Variants in FSTL5 observed in about 807,000 individuals in gnomAD.
FSTL5 encodes the protein follistatin-related protein 5.
In FSTL5, 62 loss-of-function variants were observed where a neutral mutation model predicts 89.1. The observed-to-expected ratio is 0.70, with a 90% CI of 0.57 to 0.86. FSTL5 has a LOEUF of 0.86. FSTL5 is among the 40% of genes least tolerant of loss of function. The pLI, the probability that FSTL5 is intolerant of heterozygous loss-of-function variation, is 0.00. For missense variants in FSTL5, 1,057 were observed against 1,001.6 expected (o/e 1.06, Z -0.75); for synonymous variants, 383 against 346.2 (o/e 1.11, Z -1.18).
At chr4:161,763,503 G>A (rs945973800) in intron 5 of FSTL5, among the ~76,000 whole-genome samples, 3 of 152,116 alleles carry the variant, frequency 2.0e-5, no homozygotes, top group African/African-American at 7.2e-5. Context: ...TTTTGATAAT[G>A]TGAAGGCAAG....
At chr4:161,476,182 T>TTTTGG (rs1553990018) in intron 13 of FSTL5, among the ~76,000 whole-genome samples, 1 of 103,754 alleles carries the variant, frequency 9.6e-6, no homozygotes, top group Non-Finnish European at 1.9e-5. Context: ...GGTTTTTTTT[T>TTTTGG]TTTTTTGTTT....
At chr4:161,608,825 C>A (rs958295078) in intron 7 of FSTL5, among the ~76,000 whole-genome samples, 4 of 151,958 alleles carry the variant, frequency 2.6e-5, no homozygotes, top group African/African-American at 9.7e-5. Context: ...TTTTCTCCTG[C>A]AAGTAGGCTC....
chr4:161,938,124 G>A (rs1734482866), intron 3 of FSTL5, among the ~76,000 whole-genome samples: 1 of 151,846 alleles, frequency 6.6e-6, no homozygotes, highest in Non-Finnish European at 1.5e-5. Flanking sequence ...ATGTACTTTT[G>A]TAGAACTCTG....
chr4:161,576,109 C>T (rs1372818388), intron 8 of FSTL5, among the ~76,000 whole-genome samples: 2 of 152,048 alleles, frequency 1.3e-5, no homozygotes, highest in South Asian at 4.1e-4. Flanking sequence ...ATACAACATA[C>T]AAGGGACGTG....
chr4:161,673,062 C>T (rs1238064042), intron 6 of FSTL5, among the ~76,000 whole-genome samples: 1 of 151,328 alleles, frequency 6.6e-6, no homozygotes, highest in Non-Finnish European at 1.5e-5. Context: ...TTATCTTTAT[C>T]ATTAAAACAA....
chr4:161,566,533 C>A (rs571034950), intron 8 of FSTL5, among the ~76,000 whole-genome samples: 94 of 150,856 alleles, frequency 6.2e-4, no homozygotes, highest in Non-Finnish European at 1.0e-3. Context: ...AATCGCCAAA[C>A]TGTTCTCCAC....
At chr4:161,812,570 T>C (rs1399839008) in intron 4 of FSTL5, among the ~76,000 whole-genome samples, 1 of 152,060 alleles carries the variant, frequency 6.6e-6, no homozygotes, top group African/African-American at 2.4e-5. Flanking sequence ...GTGGTTCTAA[T>C]TAAGACTAAA....
At chr4:161,948,600 A>G (rs111671559) in intron 3 of FSTL5, among the ~76,000 whole-genome samples, 18 of 141,518 alleles carry the variant, frequency 1.3e-4, no homozygotes, top group African/African-American at 4.0e-4. Flanking sequence ...GGCACCCGCC[A>G]CCATGCCCAG....
intron 6 of FSTL5, among the ~76,000 whole-genome samples, chr4:161,754,127 A>AT (rs571885903): frequency 4.7e-5 from 7 of 149,854 alleles, no homozygotes; most frequent in East Asian, 2.0e-4. Flanking sequence ...GGTGATTTAA[A>AT]TTTTTTTTAA....
intron 2 of FSTL5, among the ~76,000 whole-genome samples, chr4:162,059,869 A>G (rs1420205095): frequency 6.6e-6 from 1 of 152,136 alleles, no homozygotes; most frequent in Non-Finnish European, 1.5e-5. Flanking sequence ...TGACTTTTGG[A>G]TAAAGGTCAC....
intron 4 of FSTL5, among the ~76,000 whole-genome samples, chr4:161,780,352 G>T (rs909134265): frequency 2.0e-5 from 3 of 151,946 alleles, no homozygotes; most frequent in Non-Finnish European, 4.4e-5. Flanking sequence ...TGCTTATATG[G>T]TTACTTTGAT....
chr4:161,424,408 GTTT>G (rs928290820), intron 15 of FSTL5, among the ~76,000 whole-genome samples: 5 of 142,510 alleles, frequency 3.5e-5, no homozygotes, highest in Non-Finnish European at 7.7e-5. Context: ...AAGGCAACTA[GTTT>G]TTTTTTTTTA....
intron 1 of FSTL5, among the ~76,000 whole-genome samples, chr4:162,133,427 G>A (rs989084271): frequency 1.3e-5 from 2 of 152,158 alleles, no homozygotes; most frequent in African/African-American, 4.8e-5. Flanking sequence ...ACACCAGGTA[G>A]GAGAGGCAGT....
chr4:161,909,206 C>G (rs1733622466), intron 4 of FSTL5, among the ~76,000 whole-genome samples: 2 of 152,080 alleles, frequency 1.3e-5, no homozygotes, highest in Admixed American at 1.3e-4. Flanking sequence ...CATACATAAG[C>G]TGAGGCTGAA....
intron 3 of FSTL5, among the ~76,000 whole-genome samples, chr4:162,006,119 TAAG>T (rs1411826858): frequency 1.3e-5 from 2 of 151,878 alleles, no homozygotes; most frequent in Admixed American, 1.3e-4. Flanking sequence ...ATATTATAAG[TAAG>T]AAATACAAAA....
chr4:161,858,740 T>C (rs1731804297), intron 4 of FSTL5, among the ~76,000 whole-genome samples: 2 of 152,202 alleles, frequency 1.3e-5, no homozygotes, highest in Non-Finnish European at 2.9e-5. Context: ...TCTAGATGTG[T>C]GTCTTGCTTC....
chr4:161,976,533 G>GT (rs751920231), intron 3 of FSTL5, among the ~76,000 whole-genome samples: 4 of 152,128 alleles, frequency 2.6e-5, no homozygotes, highest in Non-Finnish European at 4.4e-5. Flanking sequence ...CCAGGCTGGA[G>GT]TGCAGTGGTG....
intron 2 of FSTL5, among the ~76,000 whole-genome samples, chr4:162,051,014 C>A (rs1043189743): frequency 2.0e-5 from 3 of 151,468 alleles, no homozygotes; most frequent in African/African-American, 7.3e-5. Context: ...ATTTAAACCT[C>A]TTCTATGGGT....
chr4:161,790,088 T>G (rs1374922934), intron 4 of FSTL5, among the ~76,000 whole-genome samples: 1 of 152,244 alleles, frequency 6.6e-6, no homozygotes, highest in African/African-American at 2.4e-5. Flanking sequence ...GAGAAAATAC[T>G]GTCACTTTGT....
Sources: gnomAD v4.1 joint callset for allele counts (sites outside exome capture counted in the v4.1 genomes callset) on GRCh38, gnomAD v4.1.1 for gene constraint, MANE v1.5 for transcripts, NCBI Gene and HGNC (gene_info 2026-07-23, HGNC 2026-07-21) for gene names.